PLA2G4F: variants seen among roughly 807,000 people sequenced by gnomAD.
The protein encoded by PLA2G4F is cytosolic phospholipase A2 zeta.
A neutral mutation model predicts 103.1 loss-of-function variants in PLA2G4F; 105 were observed. The ratio of observed to expected loss-of-function variants is 1.02; its 90% confidence interval spans 0.87 to 1.20. PLA2G4F has a LOEUF of 1.20. Ranked by LOEUF, PLA2G4F falls within the 50% of genes most tolerant of loss-of-function variation. The probability of loss-of-function intolerance (pLI) is 0.00; values close to 1 mark genes in which losing one functional copy is unlikely to be tolerated. For synonymous variants in PLA2G4F, 468 were observed against 441.1 expected (o/e 1.06, Z -0.76); for missense variants, 1,155 against 1,075.9 (o/e 1.07, Z -1.03).
At chr15:42,143,495 C>T (rs2048846534) in intron 18 of PLA2G4F, among the ~76,000 whole-genome samples, 1 of 152,178 alleles carries the variant, frequency 6.6e-6, no homozygotes, top group African/African-American at 2.4e-5. Flanking sequence ...GCTCCAGCAG[C>T]ACCACCAGCA....
rs1237465232 is a variant in PLA2G4F, at chr15:42,147,174, A to T, written c.1369T>A (p.Ser457Thr). ...GVRERSGHSV[S>T]LIDLWGLLVE... ...AGGAGGCCCCAGAGGTCGATGAGGG[A>T]CACGCTGTGGCCACTGCGCTCCCGG... The change falls in exon 13 of 20, where the codon TCC becomes ACC. Residue 457 changes from serine (S) to threonine (T), a missense_variant. Coordinates refer to ENST00000397272, the MANE Select transcript of PLA2G4F (RefSeq NM_213600.4). 5.0e-6 allele frequency: 8 copies of T among 1,612,996 alleles called. No individual in the cohort carries two copies. The highest frequency in any genetic ancestry group is 6.8e-6 in the Non-Finnish European group (8 of 1,179,952).
In PLA2G4F at chr15:42,143,698, T is replaced by C. The variant is rs190735157; in HGVS notation, c.2142+280A>G. On this transcript the variant is annotated intron_variant, in intron 18 of 19. Coordinates refer to ENST00000397272, the MANE Select transcript of PLA2G4F (RefSeq NM_213600.4). ...GAGTCTAGAACTGGGGGATCTTCTA[T>C]GGATGAGGCTAGAAGATTCCTGGGG... Among the ~76,000 whole-genome samples, 11 of 152,338 alleles carry C rather than the reference T, an allele frequency of 7.2e-5. No homozygotes were observed. The East Asian group carries it at 2.1e-3, about 29-fold the overall frequency.
intron 19 of PLA2G4F, 25 bp from the exon 20 acceptor site, chr15:42,142,229 A>G (rs1443669357): frequency 6.3e-7 from 1 of 1,585,934 alleles, no homozygotes; most frequent in South Asian, 1.1e-5. Context: ...AGCAGAGGAG[A>G]GGCCAGGATG....
rs554528159 is a variant in PLA2G4F, at chr15:42,151,490, G to A, written c.602-713C>T. The A allele has an allele frequency of 1.4e-4, 138 of 985,284 alleles. No individual in the cohort carries two copies. In the African/African-American group the frequency reaches 1.5e-3, roughly 11 times the overall value. The allele number at this position is 985,284 out of a possible 1,614,324, so 61.0% of individuals were successfully genotyped here. On this transcript the variant is annotated intron_variant, in intron 7 of 19. Transcript: ENST00000397272. Reference sequence around the variant, plus strand: ...ACATGACATCCGGGCAGAGGGGGCCGCAGACAGCCTCCCAGGAGTCCCAGC... The same window carrying A: ...ACATGACATCCGGGCAGAGGGGGCCACAGACAGCCTCCCAGGAGTCCCAGC...
rs369694462 is a variant in PLA2G4F at position 42,142,585 on chromosome 15, G to A, written c.2272C>T (p.Pro758Ser). Residue 758 changes from proline (P) to serine (S), a missense_variant, in exon 19 of 20, where the codon CCC becomes TCC. Transcript: ENST00000397272. ...LFAKAEDPRSPIVLHFPLVNR... is the reference protein window; with the variant it reads ...LFAKAEDPRSSIVLHFPLVNR... The stretch of plus-strand genomic sequence containing the variant: ...ACCAGGGGGAAGTGCAGCACAATGG[G>A]GGAGCGGGGGTCCTCAGCCTTGGCA... 12 of 1,613,986 alleles carry A rather than the reference G, an allele frequency of 7.4e-6. No individual in the cohort carries two copies. The highest frequency in any genetic ancestry group is 2.2e-5 in the South Asian group (2 of 91,074).
intron 11 of PLA2G4F, 25 bp from the exon 12 acceptor site, chr15:42,147,787 A>T: frequency 1.2e-6 from 2 of 1,612,018 alleles, no homozygotes; most frequent in African/African-American, 1.3e-5. Flanking sequence ...AACAAGGATA[A>T]CGACTCCGAC....
intron 3 of PLA2G4F, 27 bp from the exon 4 acceptor site, chr15:42,154,247 G>A (rs370591669): frequency 1.1e-5 from 17 of 1,614,088 alleles, no homozygotes; most frequent in Non-Finnish European, 1.3e-5. Flanking sequence ...CAGGAGGTCC[G>A]AGCATGAGGT....
At chr15:42,149,937 G>A (rs1377583996) in intron 10 of PLA2G4F, 89 bp from the exon 11 acceptor site, 1 of 1,549,016 alleles carries the variant, frequency 6.5e-7, no homozygotes, top group African/African-American at 1.4e-5. Context: ...GTCTTTCACA[G>A]GAGCAGGTCC....
In PLA2G4F at chr15:42,145,833, G is replaced by C. The variant is rs201800403; in HGVS notation, c.1605C>G (p.Phe535Leu). Reference sequence around the variant, plus strand: ...ATCGTCCCATGAAGAGTTCTGAGCCGAAGAGCTCGGTGGGAACATAAGCCC... The same window carrying C: ...ATCGTCCCATGAAGAGTTCTGAGCCCAAGAGCTCGGTGGGAACATAAGCCC... ...KYGAYVPTEL[F>L]GSELFMGRLL... Residue 535 changes from phenylalanine (F) to leucine (L), a missense_variant, in exon 15 of 20, where the codon TTC becomes TTG. Physicochemically the swap from Phe to Leu is conservative, Grantham distance 22. Transcript: ENST00000397272. The C allele has an allele frequency of 8.1e-6, 13 of 1,614,138 alleles. No individual in the cohort carries two copies. Among genetic ancestry groups the C allele is most frequent in the Non-Finnish European group, 1.1e-5 (13 of 1,180,038 alleles).
rs946249093 is a variant in PLA2G4F at position 42,149,864 on chromosome 15, TG to T, written c.924-17del. 2.5e-6 allele frequency: 4 copies of T among 1,613,236 alleles called. No homozygotes were observed. In the African/African-American group the frequency reaches 5.3e-5, roughly 22 times the overall value. ...GTCCCCGGAGCTGCCTCAAGTAGGG[TG>T]GGGTGGCGGTGGGGGGTTCTGGGTG... On this transcript the variant is annotated splice_polypyrimidine_tract_variant and intron_variant, in intron 10 of 19. Coordinates refer to ENST00000397272, the MANE Select transcript of PLA2G4F (RefSeq NM_213600.4).
chr15:42,149,259 T>C, intron 11 of PLA2G4F: 4 of 803,326 alleles, frequency 5.0e-6, no homozygotes, highest in Non-Finnish European at 6.0e-6. Context: ...TGAGTAAGGG[T>C]AGGGCCTTCA....
chr15:42,150,809 G>T (rs1293440511), intron 7 of PLA2G4F, 32 bp from the exon 8 acceptor site: 2 of 1,591,214 alleles, frequency 1.3e-6, no homozygotes, highest in South Asian at 2.3e-5. Context: ...GGGTGCGCAG[G>T]TGAGGGGGTG....
At position 42,146,081 on chromosome 15, in the gene PLA2G4F, CTCCCCACCTCCTCT is replaced by C. The variant is rs772537730; in HGVS notation, c.1534+32_1534+45del. On this transcript the variant is annotated intron_variant, in intron 14 of 19. Coordinates refer to ENST00000397272, the MANE Select transcript of PLA2G4F (RefSeq NM_213600.4). ...GATCACCCTGGCCTCTCACCTCCTC[CTCCCCACCTCCTCT>C]ACCTCCTTCCTTCGTCTCCACACCC... 4 of 1,604,142 alleles carry C rather than the reference CTCCCCACCTCCTCT, an allele frequency of 2.5e-6. No individual in the cohort carries two copies. The East Asian group carries it at 6.7e-5, about 27-fold the overall frequency.
chr15:42,143,837 G>C (rs1718977920), intron 18 of PLA2G4F, 141 bp downstream of exon 18: 1 of 1,130,452 alleles, frequency 8.8e-7, no homozygotes, highest in Non-Finnish European at 1.2e-6. Flanking sequence ...ACACAGAGTG[G>C]AACCCAGGCC....
chr15:42,147,071 G>A (rs1456264892), intron 13 of PLA2G4F, 53 bp downstream of exon 13: 29 of 1,507,370 alleles, frequency 1.9e-5, no homozygotes, highest in East Asian at 1.1e-4. Context: ...AGCAAGGGGC[G>A]GGTGGAAGGA....
chr15:42,150,030 A>G, intron 10 of PLA2G4F, 74 bp downstream of exon 10: 1 of 1,598,142 alleles, frequency 6.3e-7, no homozygotes, highest in Non-Finnish European at 8.6e-7. Context: ...GGGCAAGAGA[A>G]TGGAGCACGT....
intron 11 of PLA2G4F, chr15:42,149,270 A>G (rs2048927458): frequency 3.6e-5 from 26 of 715,096 alleles, no homozygotes; most frequent in Non-Finnish European, 4.3e-5. Flanking sequence ...AGGGCCTTCA[A>G]CTGATAGGAC....
chr15:42,143,887 C>G (rs1426439744), intron 18 of PLA2G4F, 91 bp downstream of exon 18: 4 of 1,454,874 alleles, frequency 2.7e-6, no homozygotes, highest in East Asian at 4.6e-5. Context: ...GCCAGTCCCC[C>G]TCACCAGAGC....
At position 42,147,643 on chromosome 15, in the gene PLA2G4F, C is replaced by A; in HGVS notation, c.1179G>T (p.Gly393=). ...TCACTTACCAGGTAGACCCAGAGAC[C>A]CCACTCAGGTAGGTCACAGTGTCTA... ...GLLDTVTYLS[G]VSGSTWCIST... The change falls in exon 12 of 20, where the codon GGG becomes GGT. Residue 393 remains glycine (G), a synonymous_variant. Coordinates refer to ENST00000397272, the MANE Select transcript of PLA2G4F (RefSeq NM_213600.4). The A allele has an allele frequency of 1.2e-6, 2 of 1,614,056 alleles. No homozygotes were observed. The highest frequency in any genetic ancestry group is 8.5e-7 in the Non-Finnish European group (1 of 1,179,986).
Sources: allele counts gnomAD v4.1 joint callset (sites outside exome capture counted in the v4.1 genomes callset), GRCh38; gene constraint gnomAD v4.1.1; transcripts MANE v1.5; gene names NCBI Gene and HGNC (gene_info 2026-07-23, HGNC 2026-07-21).